The following PDE10A variants were observed in gnomAD, a reference collection of about 807,000 sequenced individuals.
PDE10A encodes cAMP and cAMP-inhibited cGMP 3',5'-cyclic phosphodiesterase 10A.
PDE10A carries 39 observed loss-of-function variants against 97.7 expected under a neutral mutation model. The ratio of observed to expected loss-of-function variants is 0.40; its 90% CI spans 0.31 to 0.52. PDE10A has a LOEUF of 0.52. Among genes scored for constraint, PDE10A ranks in the 20% least tolerant of loss-of-function variants. PDE10A has a pLI of 0.56. For missense variants in PDE10A, 731 were observed against 1,047.8 expected, an observed-to-expected ratio of 0.70 and a Z score of 4.17; for synonymous variants, 371 against 376.8, an observed-to-expected ratio of 0.98 and a Z score of 0.18.
intron 1 of PDE10A, among the ~76,000 whole-genome samples, chr6:165,832,321 T>A (rs1779944691): frequency 6.6e-6 from 1 of 152,172 alleles, no homozygotes; most frequent in African/African-American, 2.4e-5. Flanking sequence ...ATTCAACCGC[T>A]TAATTTAACC....
rs750755861 is a variant in PDE10A, at chr6:165,330,218, G to C, written c.*2807C>G. 1 of 152,088 alleles carries C rather than the reference G, an allele frequency of 6.6e-6. No individual in the cohort carries two copies. Among genetic ancestry groups the C allele is most frequent in the Non-Finnish European group, 1.5e-5 (1 of 68,012 alleles). The allele number at this position is 152,088 out of a possible 1,614,324, so 9.4% of individuals were successfully genotyped here. A position where few individuals can be genotyped will look rare whatever the true frequency, so the allele number is the denominator to read the frequency against. ...CATAGCGGGTTACTAAATTTATACT[G>C]GGTGGAAAATTTGGCACAATACACA... On this transcript the variant is annotated 3_prime_UTR_variant, in exon 22 of 22. Transcript: ENST00000539869.
intron 2 of PDE10A, among the ~76,000 whole-genome samples, chr6:165,484,144 T>A (rs1158962536): frequency 1.3e-5 from 2 of 152,244 alleles, no homozygotes; most frequent in Non-Finnish European, 2.9e-5. Context: ...ACAGTGGGAT[T>A]TCCTGTGTAA....
intron 1 of PDE10A, among the ~76,000 whole-genome samples, chr6:165,647,660 G>C (rs1020603284): frequency 6.6e-6 from 1 of 152,090 alleles, no homozygotes; most frequent in Non-Finnish European, 1.5e-5. Context: ...GTTTCCAGAA[G>C]CTGAACTTCC....
At chr6:165,500,892 C>G (rs775577596) in intron 2 of PDE10A, among the ~76,000 whole-genome samples, 1 of 152,068 alleles carries the variant, frequency 6.6e-6, no homozygotes, top group Non-Finnish European at 1.5e-5. Context: ...CTGCTCTTTA[C>G]GGCACCCAGA....
At chr6:165,407,683 G>A (rs115208833) in intron 13 of PDE10A, among the ~76,000 whole-genome samples, 2,327 of 152,236 alleles carry the variant, frequency 0.015, 69 homozygotes, top group African/African-American at 0.052. Context: ...CCCCTTTCAT[G>A]TTAAATGTCT....
chr6:165,592,348 C>G (rs1238225843), intron 1 of PDE10A, among the ~76,000 whole-genome samples: 1 of 151,990 alleles, frequency 6.6e-6, no homozygotes, highest in Non-Finnish European at 1.5e-5. Context: ...CATACAAACC[C>G]TAGAAGAAAA....
chr6:165,490,692 C>T (rs1418094840), intron 2 of PDE10A, among the ~76,000 whole-genome samples: 2 of 152,152 alleles, frequency 1.3e-5, no homozygotes, highest in Non-Finnish European at 2.9e-5. Flanking sequence ...CAAGGCTGGA[C>T]GTGGTGGTTC....
chr6:165,373,325 T>C (rs1000730810), intron 18 of PDE10A, among the ~76,000 whole-genome samples: 18 of 152,236 alleles, frequency 1.2e-4, no homozygotes, highest in African/African-American at 4.3e-4. Context: ...TTTCGCAACC[T>C]ACTCATCTGA....
intron 1 of PDE10A, among the ~76,000 whole-genome samples, chr6:165,578,752 G>A (rs565198657): frequency 6.6e-5 from 10 of 152,194 alleles, no homozygotes; most frequent in African/African-American, 2.2e-4. Flanking sequence ...CTGCCTTAGT[G>A]TCCCAACCGC....
chr6:165,983,581 A>C (rs1191455835), intron 1 of PDE10A, among the ~76,000 whole-genome samples: 1 of 152,242 alleles, frequency 6.6e-6, no homozygotes, highest in Non-Finnish European at 1.5e-5. Flanking sequence ...CTGAAAGTTA[A>C]TTTCCAGTCG....
At chr6:165,540,617 A>T (rs1239361098) in intron 2 of PDE10A, among the ~76,000 whole-genome samples, 1 of 152,120 alleles carries the variant, frequency 6.6e-6, no homozygotes, top group Non-Finnish European at 1.5e-5. Context: ...AAGGAGAATA[A>T]GGCATACTTG....
At chr6:165,594,393 C>A (rs955791061) in intron 1 of PDE10A, among the ~76,000 whole-genome samples, 2 of 152,034 alleles carry the variant, frequency 1.3e-5, no homozygotes, top group Non-Finnish European at 2.9e-5. Context: ...ATAATAAATA[C>A]AGCAATAGAT....
At chr6:165,540,939 T>C (rs1439564436) in intron 2 of PDE10A, among the ~76,000 whole-genome samples, 1 of 152,028 alleles carries the variant, frequency 6.6e-6, no homozygotes, top group Non-Finnish European at 1.5e-5. Context: ...GAACAGGACA[T>C]TTTCTAAAGT....
At chr6:165,967,254 T>A (rs1784536944) in intron 1 of PDE10A, among the ~76,000 whole-genome samples, 1 of 152,230 alleles carries the variant, frequency 6.6e-6, no homozygotes, top group Non-Finnish European at 1.5e-5. Flanking sequence ...ATCTTAACTT[T>A]GGGAGGCCGA....
rs144511902 is a variant in PDE10A, at chr6:165,659,576, T to TA, written c.865+2370dup. On this transcript the variant is annotated intron_variant, in intron 1 of 21. Transcript: ENST00000539869. ...GTGAAGTGGGTCTGATAATTTTGTT[T>TA]AAAAGTATCTTCTTGTTTACTACCT... Among the ~76,000 whole-genome samples, 51 of 152,352 alleles carry TA rather than the reference T, an allele frequency of 3.3e-4. 1 individual carries two copies. The East Asian group carries it at 8.9e-3, about 27-fold the overall frequency.
At chr6:165,416,552 A>T (rs1554258756) in intron 11 of PDE10A, among the ~76,000 whole-genome samples, 1 of 152,218 alleles carries the variant, frequency 6.6e-6, no homozygotes, top group Non-Finnish European at 1.5e-5. Context: ...CTGAACAATA[A>T]TAATCCCTTC....
At position 165,948,532 on chromosome 6, in the gene PDE10A, A is replaced by G. The variant is rs960962767; in HGVS notation, c.-615+38997T>C. 4.6e-5 allele frequency: 7 copies of G among 152,434 alleles called. No homozygotes were observed. The East Asian group carries it at 1.2e-3, about 25-fold the overall frequency. 9.4% of individuals were successfully genotyped at this position (152,434 alleles called of 1,614,324 possible). On this transcript the variant is annotated intron_variant, in intron 1 of 19. Coordinates refer to the PDE10A transcript ENST00000366882. The stretch of plus-strand genomic sequence containing the variant: ...TGCACCAAGGTGATGTTCTACCTCA[A>G]AGGAGAAATGGCAGTGCGGCCTTCG...
At chr6:165,646,427 T>A (rs1333808645) in intron 1 of PDE10A, among the ~76,000 whole-genome samples, 1 of 152,244 alleles carries the variant, frequency 6.6e-6, no homozygotes, top group African/African-American at 2.4e-5. Context: ...TAATGAACTA[T>A]TCAATAAACT....
chr6:165,686,689 G>A (rs1791129790), intron 1 of PDE10A, among the ~76,000 whole-genome samples: 1 of 152,224 alleles, frequency 6.6e-6, no homozygotes, highest in African/African-American at 2.4e-5. Context: ...TTTTTGGTAA[G>A]TGCATTTTAT....
Sources: gnomAD v4.1 joint callset for allele counts (sites outside exome capture counted in the v4.1 genomes callset) on GRCh38, gnomAD v4.1.1 for gene constraint, MANE v1.5 for transcripts, NCBI Gene and HGNC (gene_info 2026-07-23, HGNC 2026-07-21) for gene names.